Variants in ZDHHC14 observed in about 807,000 individuals in gnomAD.
The protein encoded by ZDHHC14 is zDHHC palmitoyltransferase 14.
ZDHHC14 carries 16 observed loss-of-function variants against 47.7 expected under a neutral mutation model. The ratio of observed to expected loss-of-function variants is 0.34; its 90% confidence interval spans 0.23 to 0.51. The LOEUF is 0.51. Among genes scored for constraint, ZDHHC14 ranks in the 20% least tolerant of loss-of-function variants. The pLI is 0.97. For missense variants in ZDHHC14, 515 were observed against 662.5 expected, an observed-to-expected ratio of 0.78 and a Z score of 2.44; for synonymous variants, 293 against 278.9, an observed-to-expected ratio of 1.05 and a Z score of -0.50.
At chr6:157,583,426 A>G (rs1177065888) in intron 2 of ZDHHC14, among the ~76,000 whole-genome samples, 2 of 151,952 alleles carry the variant, frequency 1.3e-5, no homozygotes, top group Non-Finnish European at 2.9e-5. Flanking sequence ...GGCTTTTTGC[A>G]AGGTCTTTAT....
At chr6:157,574,193 C>A (rs1328878742) in intron 2 of ZDHHC14, among the ~76,000 whole-genome samples, 1 of 151,396 alleles carries the variant, frequency 6.6e-6, no homozygotes, top group Admixed American at 6.6e-5. Flanking sequence ...GAAGCTGAGG[C>A]AGGTGGATCA....
intron 5 of ZDHHC14, among the ~76,000 whole-genome samples, chr6:157,641,899 T>C (rs532908498): frequency 2.6e-4 from 39 of 152,320 alleles, no homozygotes; most frequent in Non-Finnish European, 5.0e-4. Context: ...TTTAATGAAG[T>C]GTCCCAACTC....
In ZDHHC14 at chr6:157,381,969, G is replaced by A. The variant is rs1777220559; in HGVS notation, c.-53G>A. On this transcript the variant is annotated 5_prime_UTR_variant, in exon 1 of 9. Coordinates refer to ENST00000359775, the MANE Select transcript of ZDHHC14 (RefSeq NM_024630.3). The stretch of plus-strand genomic sequence containing the variant: ...CGGCGGTCGTGGCTCGGCGGGGCCC[G>A]CGCGGCCGGGGGGCTCCTGGGGGTG... 1 of 1,062,300 alleles carries A rather than the reference G, an allele frequency of 9.4e-7. No individual in the cohort carries two copies. The highest frequency in any genetic ancestry group is 1.1e-6 in the Non-Finnish European group (1 of 878,160). The allele number at this position is 1,062,300 out of a possible 1,614,324, so 65.8% of individuals were successfully genotyped here. A position where few individuals can be genotyped will look rare whatever the true frequency, so the allele number is the denominator to read the frequency against.
At chr6:157,658,673 C>G (rs1351876593) in intron 8 of ZDHHC14, among the ~76,000 whole-genome samples, 1 of 152,148 alleles carries the variant, frequency 6.6e-6, no homozygotes, top group Non-Finnish European at 1.5e-5. Context: ...TCCTACTTGG[C>G]CATGGTATAT....
At chr6:157,559,663 T>C (rs1782630424) in intron 2 of ZDHHC14, among the ~76,000 whole-genome samples, 1 of 152,236 alleles carries the variant, frequency 6.6e-6, no homozygotes, top group Admixed American at 6.5e-5. Flanking sequence ...TTTCACTGTT[T>C]TGTTTTTCCC....
intron 1 of ZDHHC14, among the ~76,000 whole-genome samples, chr6:157,537,258 AT>A (rs1034128947): frequency 6.6e-6 from 1 of 151,270 alleles, no homozygotes; most frequent in Non-Finnish European, 1.5e-5. Context: ...CACAAAAACA[AT>A]TTTTACTAAA....
Position 157,466,613 on chromosome 6 carries a change from G to A in ZDHHC14, c.246-75972G>A, listed in dbSNP as rs112830470. On this transcript the variant is annotated intron_variant, in intron 1 of 8. Transcript: ENST00000359775. ...AGCACTTTGGGTGACCAAGGTGGGC[G>A]GATCACCTGAGGCCAGGAGTTCGAC... 2.3e-4 allele frequency among the ~76,000 whole-genome samples: 35 copies of A among 152,278 alleles called. 1 individual carries two copies. The South Asian group carries it at 5.0e-3, about 22-fold the overall frequency.
intron 3 of ZDHHC14, among the ~76,000 whole-genome samples, chr6:157,599,302 C>G (rs913442444): frequency 1.3e-5 from 2 of 152,248 alleles, no homozygotes; most frequent in Non-Finnish European, 2.9e-5. Flanking sequence ...GTTGCATCTG[C>G]AGCAGGATGT....
intron 1 of ZDHHC14, among the ~76,000 whole-genome samples, chr6:157,472,826 T>C (rs1779386775): frequency 6.6e-6 from 1 of 152,186 alleles, no homozygotes. Context: ...CCAGCATTTA[T>C]TGAGCGAGGT....
chr6:157,510,661 T>C (rs1219749709), intron 1 of ZDHHC14, among the ~76,000 whole-genome samples: 2 of 152,246 alleles, frequency 1.3e-5, no homozygotes, highest in Admixed American at 6.5e-5. Flanking sequence ...GCCTCCTTAT[T>C]TGCAATCCGC....
chr6:157,633,184 C>A (rs1428800097), intron 5 of ZDHHC14, among the ~76,000 whole-genome samples: 1 of 152,174 alleles, frequency 6.6e-6, no homozygotes, highest in East Asian at 1.9e-4. Flanking sequence ...TGAGCTGCAA[C>A]TGATCTCATT....
intron 1 of ZDHHC14, among the ~76,000 whole-genome samples, chr6:157,509,887 C>A (rs1780419346): frequency 6.6e-6 from 1 of 152,244 alleles, no homozygotes; most frequent in South Asian, 2.1e-4. Context: ...GAGGCCAGAG[C>A]CTCATTGCCA....
At chr6:157,451,033 T>C (rs970174308) in intron 1 of ZDHHC14, among the ~76,000 whole-genome samples, 5 of 151,602 alleles carry the variant, frequency 3.3e-5, no homozygotes, top group Middle Eastern at 3.4e-3. Context: ...TGTGTGTGTC[T>C]GTGGAGGCTG....
At chr6:157,411,025 G>A (rs532414666) in intron 1 of ZDHHC14, among the ~76,000 whole-genome samples, 1 of 152,240 alleles carries the variant, frequency 6.6e-6, no homozygotes, top group East Asian at 1.9e-4. Flanking sequence ...ACAGACATCC[G>A]TTAGCTGGAG....
chr6:157,536,027 T>C (rs972265476), intron 1 of ZDHHC14, among the ~76,000 whole-genome samples: 1 of 151,396 alleles, frequency 6.6e-6, no homozygotes, highest in African/African-American at 2.5e-5. Flanking sequence ...CTCACAATGC[T>C]ACTCTGATTA....
At chr6:157,485,766 T>C (rs1779762796) in intron 1 of ZDHHC14, among the ~76,000 whole-genome samples, 1 of 151,768 alleles carries the variant, frequency 6.6e-6, no homozygotes, top group Non-Finnish European at 1.5e-5. Flanking sequence ...ATCCCAGCAC[T>C]TCGGGAGGCC....
At chr6:157,646,667 C>T (rs1337315826) in intron 6 of ZDHHC14, among the ~76,000 whole-genome samples, 1 of 151,538 alleles carries the variant, frequency 6.6e-6, no homozygotes, top group African/African-American at 2.4e-5. Context: ...TCCAGAGCAG[C>T]GTGGTCCTCT....
chr6:157,653,711 C>A (rs1777950279), intron 8 of ZDHHC14, 84 bp downstream of exon 8: 1 of 1,394,400 alleles, frequency 7.2e-7, no homozygotes, highest in Non-Finnish European at 9.9e-7. Flanking sequence ...GCCTTCCTAG[C>A]AAACCTCCCC....
intron 1 of ZDHHC14, among the ~76,000 whole-genome samples, chr6:157,489,284 C>T (rs1014547397): frequency 9.2e-5 from 14 of 152,188 alleles, no homozygotes; most frequent in African/African-American, 2.9e-4. Context: ...GAACCCGATA[C>T]ATAGAACAAA....
Sources: gnomAD v4.1 joint callset for allele counts (sites outside exome capture counted in the v4.1 genomes callset) on GRCh38, gnomAD v4.1.1 for gene constraint, MANE v1.5 for transcripts, NCBI Gene and HGNC (gene_info 2026-07-23, HGNC 2026-07-21) for gene names.